The following RGS22 variants were observed in gnomAD, a reference collection of about 807,000 sequenced individuals.
RGS22 encodes the protein regulator of G-protein signaling 22.
RGS22 carries 148 observed loss-of-function variants against 172.9 expected under a neutral mutation model. The ratio of observed to expected loss-of-function variants is 0.86; its 90% CI spans 0.75 to 0.98. The LOEUF (loss-of-function observed/expected upper bound fraction) is 0.98, where lower values mean the gene tolerates loss of function less well. Ranked by LOEUF, RGS22 falls within the 50% of genes least tolerant of loss-of-function variation. The probability of loss-of-function intolerance (pLI) is 0.00; values close to 1 mark genes in which losing one functional copy is unlikely to be tolerated. For synonymous variants in RGS22, 458 were observed against 480.2 expected (o/e 0.95, Z 0.60); for missense variants, 1,347 against 1,440.8 (o/e 0.93, Z 1.05).
In RGS22 at chr8:100,093,750, A is replaced by G. The variant is rs556736861; in HGVS notation, c.55-241T>C. On this transcript the variant is annotated intron_variant, in intron 2 of 27. Transcript: ENST00000360863. The stretch of plus-strand genomic sequence containing the variant: ...GGGCATACTCTTAAAACACTTTGCT[A>G]CTATACTTAGTTGGAAAACAGAACA... Among the ~76,000 whole-genome samples, 4 of 152,316 alleles carry G rather than the reference A, an allele frequency of 2.6e-5. No homozygotes were observed. The South Asian group carries it at 8.3e-4, about 32-fold the overall frequency.
chr8:100,039,986 T>C lies in RGS22; in HGVS notation c.2040A>G (p.Lys680=). 6.3e-7 allele frequency: 1 copy of C among 1,583,558 alleles called. No homozygotes were observed. The highest frequency in any genetic ancestry group is 8.6e-7 in the Non-Finnish European group (1 of 1,165,780). Residue 680 remains lysine, a synonymous_variant, in exon 13 of 28, where the codon AAA becomes AAG. Coordinates refer to ENST00000360863, the MANE Select transcript of RGS22 (RefSeq NM_015668.5). The stretch of plus-strand genomic sequence containing the variant: ...CCTTGTTCCCTGAATGCTCGCAGAA[T>C]TTAGTAAAGAAGAATCCAGCTCTAT... ...VENRAGFFFT[K]FCEHSGNKLW... is the part of the protein sequence containing the mutation.
chr8:99,965,577 G>T (rs1213986653), intron 23 of RGS22, 147 bp from the exon 24 acceptor site: 2 of 509,308 alleles, frequency 3.9e-6, no homozygotes, highest in African/African-American at 3.9e-5. Context: ...TATCACTAAT[G>T]TGACAGAGTC....
chr8:100,082,733 T>C (rs1295159490), intron 3 of RGS22, among the ~76,000 whole-genome samples: 2 of 152,210 alleles, frequency 1.3e-5, no homozygotes, highest in African/African-American at 4.8e-5. Context: ...ATGACAAAAC[T>C]AGTGTGTACT....
rs758342631 is a variant in RGS22 at position 99,996,545 on chromosome 8, AATT to A, written c.2950-18_2950-16del. 1 of 1,603,950 alleles carries A rather than the reference AATT, an allele frequency of 6.2e-7. No homozygotes were observed. The highest frequency in any genetic ancestry group is 1.1e-5 in the South Asian group (1 of 90,186). ...TTCATCTGTACCTGAAAGCAAAACC[AATT>A]ATTTTATCCCAGTTATTCAGACTAA... On this transcript the variant is annotated splice_polypyrimidine_tract_variant and intron_variant, in intron 19 of 27. Transcript: ENST00000360863.
chr8:100,047,178 A>C (rs1013638639), intron 11 of RGS22, among the ~76,000 whole-genome samples: 1 of 152,136 alleles, frequency 6.6e-6, no homozygotes, highest in Non-Finnish European at 1.5e-5. Context: ...AGAAATATAG[A>C]ATTATTGAAT....
intron 9 of RGS22, among the ~76,000 whole-genome samples, chr8:100,053,448 G>T: frequency 7.2e-6 from 1 of 138,816 alleles, no homozygotes; most frequent in African/African-American, 2.7e-5. Flanking sequence ...AAGGAAGGAA[G>T]GGAGGGAGGG....
Position 99,987,528 on chromosome 8 carries a change from C to T in RGS22, c.3110G>A (p.Arg1037His), listed in dbSNP as rs182707509. Residue 1037 changes from arginine to histidine, a missense_variant, in exon 21 of 28, where the codon CGT becomes CAT. Arg to His is a conservative substitution (Grantham distance 29). Transcript: ENST00000360863. ...TAAATCTCCTTTTAGAGCCACAAAA[C>T]GTTGAAATTGTCTTGAAGTAACTGG... is the stretch of plus-strand genomic sequence containing the variant. ...LNPVTSRQFQ[R>H]FVALKGDLLE... 31 of 1,611,724 alleles carry T rather than the reference C, an allele frequency of 1.9e-5. No individual in the cohort carries two copies. The highest frequency in any genetic ancestry group is 3.3e-5 in the Admixed American group (2 of 59,850).
At chr8:100,007,553 G>A (rs764441319) in intron 15 of RGS22, among the ~76,000 whole-genome samples, 3 of 151,944 alleles carry the variant, frequency 2.0e-5, no homozygotes, top group African/African-American at 4.8e-5. Flanking sequence ...CATATGAAAC[G>A]TTTATGTTTT....
intron 6 of RGS22, among the ~76,000 whole-genome samples, chr8:100,068,630 T>C (rs1311884510): frequency 6.6e-6 from 1 of 151,894 alleles, no homozygotes; most frequent in African/African-American, 2.4e-5. Context: ...CTATAGTATA[T>C]AAATTAAGGG....
intron 14 of RGS22, among the ~76,000 whole-genome samples, chr8:100,028,568 T>C (rs981858917): frequency 6.6e-6 from 1 of 152,202 alleles, no homozygotes; most frequent in Non-Finnish European, 1.5e-5. Flanking sequence ...TTTACCATTA[T>C]GTGGGCTTCA....
At chr8:100,003,473 A>C (rs1228571926) in intron 17 of RGS22, among the ~76,000 whole-genome samples, 1 of 151,986 alleles carries the variant, frequency 6.6e-6, no homozygotes, top group Non-Finnish European at 1.5e-5. Flanking sequence ...TATTAGATAA[A>C]TATGTTATAA....
rs746986372 is a variant in RGS22 at position 100,040,036 on chromosome 8, A to T, written c.1990T>A (p.Leu664Met). 6.2e-7 allele frequency: 1 copy of T among 1,609,896 alleles called. No homozygotes were observed. The highest frequency in any genetic ancestry group is 1.7e-5 in the Admixed American group (1 of 59,030). ...GALGGSDMEN[L>M]LQSLYVENRA... ...TTTTCTACATACAAAGATTGCAACA[A>T]ATTTTCCATGTCAGATCCTCCCAAG... is the stretch of plus-strand genomic sequence containing the variant. Residue 664 changes from leucine (L) to methionine (M), a missense_variant, in exon 13 of 28, where the codon TTG (leucine) becomes ATG (methionine). By Grantham distance (15) the Leu-to-Met change is conservative. Coordinates refer to ENST00000360863, the MANE Select transcript of RGS22 (RefSeq NM_015668.5).
chr8:100,100,416 A>G (rs1033083128), intron 2 of RGS22, among the ~76,000 whole-genome samples: 1 of 151,948 alleles, frequency 6.6e-6, no homozygotes, highest in African/African-American at 2.4e-5. Flanking sequence ...CAGCCTCCCA[A>G]GTAGCTGGTA....
intron 14 of RGS22, among the ~76,000 whole-genome samples, chr8:100,038,108 A>C (rs939650395): frequency 6.6e-6 from 1 of 152,220 alleles, no homozygotes; most frequent in Non-Finnish European, 1.5e-5. Flanking sequence ...TCTGGAATGC[A>C]GTTATTCTGG....
chr8:100,058,397 A>T (rs1221763659), intron 9 of RGS22, among the ~76,000 whole-genome samples: 1 of 152,180 alleles, frequency 6.6e-6, no homozygotes, highest in Non-Finnish European at 1.5e-5. Flanking sequence ...GACCACCACA[A>T]GGCATTTAAT....
chr8:100,021,999 T>A (rs1306075635), intron 14 of RGS22, among the ~76,000 whole-genome samples: 1 of 152,162 alleles, frequency 6.6e-6, no homozygotes, highest in Non-Finnish European at 1.5e-5. Flanking sequence ...AATCTTTTTT[T>A]CTGCAAAAGG....
chr8:100,080,261 ATT>A lies in RGS22; in HGVS notation c.210_211del (p.Lys70AsnfsTer13). 1 of 1,613,802 alleles carries A rather than the reference ATT, an allele frequency of 6.2e-7. No individual in the cohort carries two copies. ...ATTTCGAGGTTGCTGGTTTTGTAGA[ATT>A]TTTTTCAGTTGTTTTTCCAGAAATT... On this transcript the variant is annotated frameshift_variant, in exon 4 of 28. Transcript: ENST00000360863. LOFTEE classifies it high-confidence loss of function.
At chr8:100,024,118 C>CT (rs1212508009) in intron 14 of RGS22, 2 of 152,212 alleles carry the variant, frequency 1.3e-5, no homozygotes, top group African/African-American at 4.8e-5. Context: ...AGGCGAGCGC[C>CT]ACCACGCCCG....
At chr8:100,075,260 T>C (rs891648727) in intron 4 of RGS22, among the ~76,000 whole-genome samples, 10 of 152,160 alleles carry the variant, frequency 6.6e-5, no homozygotes, top group African/African-American at 2.4e-4. Context: ...CTCATGAATG[T>C]CTTGGTGTCC....
Sources: allele counts gnomAD v4.1 joint callset (sites outside exome capture counted in the v4.1 genomes callset), GRCh38; gene constraint gnomAD v4.1.1; transcripts MANE v1.5; gene names NCBI Gene and HGNC (gene_info 2026-07-23, HGNC 2026-07-21).